VAC14: variants seen among roughly 807,000 people sequenced by gnomAD.
The protein encoded by VAC14 is protein VAC14 homolog.
Under a neutral mutation model 85.3 loss-of-function variants are expected in VAC14, and 47 were observed. The ratio of observed to expected loss-of-function variants is 0.55; its 90% confidence interval spans 0.44 to 0.70. The LOEUF is 0.70. Among genes scored for constraint, VAC14 ranks in the 30% least tolerant of loss-of-function variants. The pLI, the probability that VAC14 is intolerant of heterozygous loss-of-function variation, is 0.00. For missense variants in VAC14, 861 were observed against 1,004.3 expected (o/e 0.86, Z 1.93); for synonymous variants, 447 against 430.5 (o/e 1.04, Z -0.47).
intron 14 of VAC14, among the ~76,000 whole-genome samples, chr16:70,727,052 C>T (rs1237695821): frequency 2.6e-5 from 4 of 152,210 alleles, no homozygotes; most frequent in Non-Finnish European, 4.4e-5. Flanking sequence ...GAACCCCCAC[C>T]AGATGTGTGT....
chr16:70,782,427 T>C (rs554544557), intron 7 of VAC14, among the ~76,000 whole-genome samples: 1 of 152,372 alleles, frequency 6.6e-6, no homozygotes, highest in South Asian at 2.1e-4. Context: ...TGATGCCATA[T>C]GAGCATGCCC....
rs548284650 is a variant in VAC14 at position 70,737,660 on chromosome 16, G to A, written c.1529-6033C>T. 1.2e-3 allele frequency among the ~76,000 whole-genome samples: 181 copies of A among 152,282 alleles called. 3 individuals carry two copies. Among genetic ancestry groups the A allele is most frequent in the South Asian group, 1.9e-3 (9 of 4,830 alleles). Reference sequence around the variant, plus strand: ...ACCCAGGCTGGCGGGGTGGGCGGCCGGGGAGCCAGCCCTGCAGATGTTACT... The same window carrying A: ...ACCCAGGCTGGCGGGGTGGGCGGCCAGGGAGCCAGCCCTGCAGATGTTACT... On this transcript the variant is annotated intron_variant, in intron 13 of 18. Transcript: ENST00000261776.
intron 18 of VAC14, chr16:70,688,472 G>A (rs1260064248): frequency 1.0e-6 from 1 of 993,952 alleles, no homozygotes; most frequent in East Asian, 1.1e-4. Context: ...TGGGGAGAAG[G>A]GGGAGGTGGC....
intron 12 of VAC14, chr16:70,761,280 T>TC (rs1445968757): frequency 4.1e-5 from 15 of 362,836 alleles, no homozygotes; most frequent in African/African-American, 6.5e-5. Flanking sequence ...CCCTCTCCCA[T>TC]CCCCCCCACC....
At chr16:70,740,863 C>T (rs1597915877) in intron 13 of VAC14, among the ~76,000 whole-genome samples, 1 of 152,246 alleles carries the variant, frequency 6.6e-6, no homozygotes, top group East Asian at 1.9e-4. Context: ...TATGCAAGGC[C>T]AGGCGAGAGG....
chr16:70,689,441 G>C, intron 18 of VAC14: 4 of 984,798 alleles, frequency 4.1e-6, no homozygotes, highest in Non-Finnish European at 4.8e-6. Context: ...CCAGCAGGAA[G>C]AGTCAACGGC....
intron 10 of VAC14, among the ~76,000 whole-genome samples, chr16:70,766,990 A>G (rs891198724): frequency 1.3e-5 from 2 of 152,166 alleles, no homozygotes; most frequent in African/African-American, 4.8e-5. Flanking sequence ...ACCCATCAAG[A>G]ACAGAGGGAG....
At chr16:70,717,255 C>T (rs578214460) in intron 14 of VAC14, among the ~76,000 whole-genome samples, 39 of 152,270 alleles carry the variant, frequency 2.6e-4, no homozygotes, top group African/African-American at 7.0e-4. Context: ...GCTGGGGTGC[C>T]GAGAGGGCCG....
In VAC14 at chr16:70,704,878, C is replaced by G. The variant is rs116664101; in HGVS notation, c.1662-6067G>C. Among the ~76,000 whole-genome samples, 656 of 152,308 alleles carry G rather than the reference C, an allele frequency of 4.3e-3. 6 individuals carry two copies. The highest frequency in any genetic ancestry group is 0.015 in the African/African-American group (638 of 41,548). On this transcript the variant is annotated intron_variant, in intron 14 of 18. Transcript: ENST00000261776. ...TGACATTCTGGCTCCCTGCCGTGCT[C>G]CGCCCTAGGGAAGCTGGACTCTGCC...
At chr16:70,770,198 G>C (rs1036424887) in intron 10 of VAC14, 2 of 152,162 alleles carry the variant, frequency 1.3e-5, no homozygotes, top group African/African-American at 4.8e-5. Context: ...ATTTCTAGAA[G>C]GCAGTCTTTC....
At chr16:70,723,643 G>T (rs2054350609) in intron 14 of VAC14, among the ~76,000 whole-genome samples, 1 of 152,212 alleles carries the variant, frequency 6.6e-6, no homozygotes, top group Admixed American at 6.5e-5. Flanking sequence ...TCAAGCTTCA[G>T]AAAGAAATCC....
chr16:70,790,001 C>T (rs1381220165), intron 1 of VAC14, among the ~76,000 whole-genome samples: 5 of 152,278 alleles, frequency 3.3e-5, no homozygotes, highest in East Asian at 1.9e-4. Context: ...AAACATTCCC[C>T]GAGCAACTGG....
At chr16:70,689,656 G>A (rs2053562488) in intron 18 of VAC14, 1 of 985,622 alleles carries the variant, frequency 1.0e-6, no homozygotes, top group Non-Finnish European at 1.2e-6. Context: ...GTCTACGGCT[G>A]CGGCTGCTGC....
In VAC14 at chr16:70,748,772, C is replaced by T. The variant is rs558935532; in HGVS notation, c.1372-4193G>A. On this transcript the variant is annotated intron_variant, in intron 12 of 18. Transcript: ENST00000261776. ...GACCAGCCTGGCCAACATGGTGAAA[C>T]CCCCTCTCTCCTAAAAATACAAAAA... is the stretch of plus-strand genomic sequence containing the variant. Among the ~76,000 whole-genome samples the T allele has an allele frequency of 5.9e-5, 9 of 152,244 alleles. No individual in the cohort carries two copies. In the South Asian group the frequency reaches 1.2e-3, roughly 21 times the overall value.
intron 12 of VAC14, among the ~76,000 whole-genome samples, chr16:70,760,568 G>A (rs1381107837): frequency 4.6e-5 from 7 of 152,148 alleles, no homozygotes; most frequent in African/African-American, 1.4e-4. Flanking sequence ...GTCCCCCAGA[G>A]CAGTTTCCAC....
chr16:70,699,559 T>G (rs552832185), intron 14 of VAC14: 2 of 152,160 alleles, frequency 1.3e-5, no homozygotes, highest in East Asian at 3.9e-4. Context: ...GGAGCCTCCC[T>G]GTTATACAAA....
intron 18 of VAC14, 100 bp downstream of exon 18, chr16:70,692,721 G>T (rs905647161): frequency 1.4e-6 from 2 of 1,475,982 alleles, no homozygotes; most frequent in Non-Finnish European, 1.8e-6. Flanking sequence ...CTGAAGTGAG[G>T]GAGGCCTCAG....
chr16:70,690,897 G>A, intron 18 of VAC14: 1 of 985,418 alleles, frequency 1.0e-6, no homozygotes, highest in Non-Finnish European at 1.2e-6. Flanking sequence ...GAAGGCTAGG[G>A]GGTGTCTCAC....
intron 9 of VAC14, among the ~76,000 whole-genome samples, chr16:70,776,761 T>A (rs1597993423): frequency 1.1e-5 from 1 of 91,208 alleles, no homozygotes. Flanking sequence ...TTTGTTTCAA[T>A]TTTTTTTTTT....
Sources: gnomAD v4.1 joint callset for allele counts (sites outside exome capture counted in the v4.1 genomes callset) on GRCh38, gnomAD v4.1.1 for gene constraint, MANE v1.5 for transcripts, NCBI Gene and HGNC (gene_info 2026-07-23, HGNC 2026-07-21) for gene names.